The following MYOCD variants were observed in gnomAD, a reference collection of about 807,000 sequenced individuals.
MYOCD encodes the protein myocardin.
MYOCD carries 32 observed loss-of-function variants against 96.1 expected under a neutral mutation model. The ratio of observed to expected loss-of-function variants is 0.33; its 90% CI spans 0.25 to 0.45. The LOEUF (loss-of-function observed/expected upper bound fraction) is 0.45. MYOCD is among the 20% of genes least tolerant of loss of function. MYOCD has a pLI of 1.00. For synonymous variants in MYOCD, 469 were observed against 469.0 expected, an observed-to-expected ratio of 1.00 and a Z score of 0.00; for missense variants, 1,133 against 1,200.6, an observed-to-expected ratio of 0.94 and a Z score of 0.83.
intron 12 of MYOCD, chr17:12,760,278 A>T (rs2033131564): frequency 3.8e-6 from 1 of 266,630 alleles, no homozygotes; most frequent in Non-Finnish European, 7.4e-6. Context: ...ATTCGCTTCT[A>T]TGAGGGACTT....
At position 12,715,512 on chromosome 17, in the gene MYOCD, G is replaced by T. The variant is rs771600842; in HGVS notation, c.122-7G>T. 14 of 1,613,072 alleles carry T rather than the reference G, an allele frequency of 8.7e-6. No individual in the cohort carries two copies. The highest frequency in any genetic ancestry group is 3.3e-5 in the Admixed American group (2 of 59,874). ...CCTCCACTCACGTTTTTGTGTTTCT[G>T]TTTCAGCACTGAAACGTCCAGCTGA... On this transcript the variant is annotated splice_polypyrimidine_tract_variant and splice_region_variant and intron_variant, in intron 2 of 13. Transcript: ENST00000425538.
chr17:12,744,259 A>G lies in MYOCD; in HGVS notation c.794A>G (p.Tyr265Cys). 1 of 1,614,208 alleles carries G rather than the reference A, an allele frequency of 6.2e-7. No homozygotes were observed. Among genetic ancestry groups the G allele is most frequent in the Non-Finnish European group, 8.5e-7 (1 of 1,180,034 alleles). ...DPKPKVKKLKYHQYIPPDQKA... is the reference protein window; with the variant it reads ...DPKPKVKKLKCHQYIPPDQKA... ...AAGCCAAAGGTGAAGAAGCTTAAAT[A>G]TCACCAGTACATTCCCCCAGACCAG... Residue 265 changes from tyrosine (Y) to cysteine (C), a missense_variant, in exon 8 of 14, where the codon TAT (tyrosine) becomes TGT (cysteine). Physicochemically the swap from Tyr to Cys is radical, Grantham distance 194. Transcript: ENST00000425538.
chr17:12,759,842 A>G (rs553032025), intron 12 of MYOCD, among the ~76,000 whole-genome samples: 1 of 152,068 alleles, frequency 6.6e-6, no homozygotes, highest in Non-Finnish European at 1.5e-5. Context: ...GTAAAAAGAC[A>G]TTTTCTATTT....
At chr17:12,762,530 G>A (rs1447850888) in intron 13 of MYOCD, 1 of 107,658 alleles carries the variant, frequency 9.3e-6, no homozygotes, top group African/African-American at 3.4e-5. Flanking sequence ...AGGCCAGCAT[G>A]AACACTGTGA....
At chr17:12,689,391 G>A (rs1438867948) in intron 1 of MYOCD, among the ~76,000 whole-genome samples, 1 of 152,066 alleles carries the variant, frequency 6.6e-6, no homozygotes, top group Non-Finnish European at 1.5e-5. Flanking sequence ...TATAAACCTA[G>A]TCTGACACCA....
chr17:12,743,486 C>CTTT (rs373893604), intron 7 of MYOCD, among the ~76,000 whole-genome samples: 88 of 98,298 alleles, frequency 9.0e-4, no homozygotes, highest in East Asian at 2.4e-3. Flanking sequence ...TATGAAAGTT[C>CTTT]TTTTTTTTTT....
intron 1 of MYOCD, among the ~76,000 whole-genome samples, chr17:12,670,640 T>A (rs1352922268): frequency 6.6e-6 from 1 of 152,230 alleles, no homozygotes; most frequent in Non-Finnish European, 1.5e-5. Context: ...ATGTAATATT[T>A]ATGTATGTAC....
chr17:12,735,583 T>A (rs1175223619), intron 5 of MYOCD, among the ~76,000 whole-genome samples: 1 of 152,216 alleles, frequency 6.6e-6, no homozygotes, highest in African/African-American at 2.4e-5. Context: ...AGTCATGCAT[T>A]CGTTGAATGG....
chr17:12,722,957 G>C lies in MYOCD; in HGVS notation c.364G>C (p.Val122Leu), dbSNP rs772925641. ...TCTACGACCAGGGCCACTGGAGCTGGTGGAAAAAAACATTCTTCCTGTGGA... is the reference window on the plus strand; with the variant it reads ...TCTACGACCAGGGCCACTGGAGCTGCTGGAAAAAAACATTCTTCCTGTGGA... ...IALRPGPLELVEKNILPVDSA... is the reference protein window; with the variant it reads ...IALRPGPLELLEKNILPVDSA... Residue 122 changes from valine to leucine, a missense_variant, in exon 5 of 14, where the codon GTG becomes CTG. Physicochemically the swap from Val to Leu is conservative, Grantham distance 32. Transcript: ENST00000425538. The C allele has an allele frequency of 2.5e-6, 4 of 1,613,606 alleles. No individual in the cohort carries two copies. In the East Asian group the frequency reaches 8.9e-5, roughly 36 times the overall value.
At position 12,722,906 on chromosome 17, in the gene MYOCD, G is replaced by A. The variant is rs140993526; in HGVS notation, c.313G>A (p.Ala105Thr). 18 of 1,613,840 alleles carry A rather than the reference G, an allele frequency of 1.1e-5. No homozygotes were observed. The highest frequency in any genetic ancestry group is 6.7e-5 in the African/African-American group (5 of 74,892). Residue 105 changes from alanine to threonine, a missense_variant, in exon 5 of 14, where the codon GCC becomes ACC. Ala to Thr is a moderately conservative substitution (Grantham distance 58). Coordinates refer to ENST00000425538, the MANE Select transcript of MYOCD (RefSeq NM_001146312.3). ...GATGAAGCTGAAAAGAGCCCGACTC[G>A]CCGATGATCTCAATGAAAAAATTGC... ...AQMKLKRARL[A>T]DDLNEKIALR... is the part of the protein sequence containing the mutation.
chr17:12,743,176 A>G (rs2032562696), intron 7 of MYOCD, among the ~76,000 whole-genome samples: 1 of 152,180 alleles, frequency 6.6e-6, no homozygotes, highest in Non-Finnish European at 1.5e-5. Context: ...TGTCCAAATC[A>G]TGCAATACAT....
intron 4 of MYOCD, among the ~76,000 whole-genome samples, chr17:12,719,160 G>C (rs192610309): frequency 1.4e-4 from 15 of 110,542 alleles, no homozygotes; most frequent in Non-Finnish European, 2.1e-4. Flanking sequence ...GGGCCACAGA[G>C]GGAGACTCTG....
Position 12,768,606 on chromosome 17 carries a change from C to T in MYOCD, c.*4962C>T, listed in dbSNP as rs1038265044. ...TGCTGGAAGCTTTTTTAATGTTTTC[C>T]AAAGGAAAGGAACCCACACTGCTCC... On this transcript the variant is annotated 3_prime_UTR_variant, in exon 14 of 14. Transcript: ENST00000425538. The T allele has an allele frequency of 2.6e-5, 4 of 152,006 alleles. No homozygotes were observed. Among genetic ancestry groups the T allele is most frequent in the African/African-American group, 7.3e-5 (3 of 41,378 alleles). 9.4% of individuals were successfully genotyped at this position (152,006 alleles called of 1,614,324 possible).
intron 1 of MYOCD, among the ~76,000 whole-genome samples, chr17:12,686,694 G>A (rs2030137120): frequency 6.6e-6 from 1 of 152,176 alleles, no homozygotes; most frequent in Non-Finnish European, 1.5e-5. Flanking sequence ...CAAGGGCACT[G>A]GTTGCTAGGC....
chr17:12,748,484 A>G (rs531778306), intron 9 of MYOCD, among the ~76,000 whole-genome samples: 56 of 152,184 alleles, frequency 3.7e-4, no homozygotes, highest in Non-Finnish European at 5.9e-4. Context: ...TATGAGGTTC[A>G]TTAGACTTTC....
At chr17:12,729,899 T>C (rs933583684) in intron 5 of MYOCD, among the ~76,000 whole-genome samples, 1 of 152,254 alleles carries the variant, frequency 6.6e-6, no homozygotes, top group Middle Eastern at 3.4e-3. Context: ...GTTAACTGCT[T>C]TTCCTGACTT....
At chr17:12,672,445 G>A (rs1909761210) in intron 1 of MYOCD, among the ~76,000 whole-genome samples, 1 of 152,012 alleles carries the variant, frequency 6.6e-6, no homozygotes, top group Non-Finnish European at 1.5e-5. Context: ...TAGCTAGTAA[G>A]TCAAGCTGTC....
chr17:12,667,212 T>C (rs969966496), intron 1 of MYOCD, among the ~76,000 whole-genome samples: 1 of 152,210 alleles, frequency 6.6e-6, no homozygotes, highest in Non-Finnish European at 1.5e-5. Flanking sequence ...ACTCAGTTGT[T>C]TCACTTGGGA....
At chr17:12,712,244 G>A (rs773933092) in intron 2 of MYOCD, among the ~76,000 whole-genome samples, 48 of 152,072 alleles carry the variant, frequency 3.2e-4, no homozygotes, top group Non-Finnish European at 5.0e-4. Flanking sequence ...ACTCGTTGCC[G>A]CCCCAAGTCT....
Sources: allele counts gnomAD v4.1 joint callset (sites outside exome capture counted in the v4.1 genomes callset), GRCh38; gene constraint gnomAD v4.1.1; transcripts MANE v1.5; gene names NCBI Gene and HGNC (gene_info 2026-07-23, HGNC 2026-07-21).